Variants in PDE6C observed in about 807,000 individuals in gnomAD.
The protein encoded by PDE6C is cone cGMP-specific 3',5'-cyclic phosphodiesterase subunit alpha'.
In PDE6C, 75 loss-of-function variants were observed where a neutral mutation model predicts 113.1. That is an observed-to-expected ratio of 0.66 (90% CI 0.55 to 0.80). PDE6C has a LOEUF of 0.80. Ranked by LOEUF, PDE6C falls within the 30% of genes least tolerant of loss-of-function variation. The pLI is 0.00. For synonymous variants in PDE6C, 375 were observed against 363.7 expected, an observed-to-expected ratio of 1.03 and a Z score of -0.35; for missense variants, 912 against 1,038.6, an observed-to-expected ratio of 0.88 and a Z score of 1.67.
In PDE6C at chr10:93,650,102, A is replaced by C. The variant is rs550240746; in HGVS notation, c.1935+4055A>C. On this transcript the variant is annotated intron_variant, in intron 15 of 21. Coordinates refer to ENST00000371447, the MANE Select transcript of PDE6C (RefSeq NM_006204.4). ...GAAATGTTTTCAGTTGCTATGGATT[A>C]GTTTACATTTTCTAGATTTTATATA... 1.8e-4 allele frequency among the ~76,000 whole-genome samples: 28 copies of C among 152,336 alleles called. 1 individual carries two copies. In the South Asian group the frequency reaches 5.8e-3, roughly 32 times the overall value.
intron 5 of PDE6C, 38 bp downstream of exon 5, chr10:93,625,687 G>A: frequency 1.4e-6 from 2 of 1,426,602 alleles, no homozygotes; most frequent in Non-Finnish European, 2.0e-6. Context: ...ATCTGTGCAT[G>A]GTGTCAGGTG....
chr10:93,633,829 G>C (rs1231891296), intron 8 of PDE6C, among the ~76,000 whole-genome samples: 2 of 152,190 alleles, frequency 1.3e-5, no homozygotes, highest in African/African-American at 4.8e-5. Flanking sequence ...GGAACAGTGA[G>C]GTAACATAGT....
intron 18 of PDE6C, among the ~76,000 whole-genome samples, chr10:93,659,791 A>G (rs1228544767): frequency 6.6e-6 from 1 of 152,250 alleles, no homozygotes; most frequent in Non-Finnish European, 1.5e-5. Flanking sequence ...GTGTGGGGAC[A>G]TAGCCAAACT....
intron 15 of PDE6C, among the ~76,000 whole-genome samples, chr10:93,652,616 A>G (rs549987381): frequency 9.8e-5 from 15 of 152,346 alleles, no homozygotes; most frequent in Admixed American, 2.6e-4. Context: ...TTGATAATCT[A>G]TCAACTTTAA....
Position 93,635,498 on chromosome 10 carries a change from C to T in PDE6C, c.1271C>T (p.Thr424Ile). Residue 424 changes from threonine (T) to isoleucine (I), a missense_variant and splice_region_variant, in exon 10 of 22, where the codon ACT (threonine) becomes ATT (isoleucine). Physicochemically the swap from Thr to Ile is moderately conservative, Grantham distance 89 (BLOSUM62 -1). Transcript: ENST00000371447. ...AGAATCACCTTTTATCCATTTCAGA[C>T]TCTCACACAATTTCTTGGATGGTCT... Reference protein sequence around the residue: ...FDEHDEYITETLTQFLGWSLL... With the variant: ...FDEHDEYITEILTQFLGWSLL... 1 of 1,610,898 alleles carries T rather than the reference C, an allele frequency of 6.2e-7. No homozygotes were observed. Among genetic ancestry groups the T allele is most frequent in the Non-Finnish European group, 8.5e-7 (1 of 1,177,108 alleles).
At chr10:93,632,274 C>G (rs11187562) in intron 8 of PDE6C, among the ~76,000 whole-genome samples, 62,644 of 152,072 alleles carry the variant, frequency 0.41, 13,062 homozygotes, top group East Asian at 0.56. Flanking sequence ...CTATCTGCAA[C>G]CTTAGTTCCC....
In PDE6C at chr10:93,665,362, G is replaced by A. The variant is rs1185158929; in HGVS notation, c.2521G>A (p.Ala841Thr). Residue 841 changes from alanine (A) to threonine (T), a missense_variant and splice_region_variant, in exon 22 of 22, where the codon GCT (alanine) becomes ACT (threonine). Physicochemically the swap from Ala to Thr is moderately conservative, Grantham distance 58. Coordinates refer to ENST00000371447, the MANE Select transcript of PDE6C (RefSeq NM_006204.4). Reference sequence around the variant, plus strand: ...ATTGCTTTCCTTGATTTTACTAGCTGCTGAAGATTCAGGAGGTGGTGATGA... The same window carrying A: ...ATTGCTTTCCTTGATTTTACTAGCTACTGAAGATTCAGGAGGTGGTGATGA... The part of the protein sequence containing the change: ...KKQEGGAEKA[A>T]EDSGGGDDKK... 2 of 1,607,902 alleles carry A rather than the reference G, an allele frequency of 1.2e-6. No homozygotes were observed. The highest frequency in any genetic ancestry group is 2.2e-5 in the South Asian group (2 of 90,958).
intron 15 of PDE6C, among the ~76,000 whole-genome samples, chr10:93,652,706 T>C (rs2058614718): frequency 6.6e-6 from 1 of 152,212 alleles, no homozygotes; most frequent in Admixed American, 6.5e-5. Flanking sequence ...ATATATTTCT[T>C]TATATATAGC....
rs759002052 is a variant in PDE6C, at chr10:93,612,724, C to A, written c.-2C>A. The A allele has an allele frequency of 1.2e-6, 2 of 1,613,746 alleles. No homozygotes were observed. Among genetic ancestry groups the A allele is most frequent in the South Asian group, 2.2e-5 (2 of 91,058 alleles). ...AACAAACGCAGCAAAGCAAGCCACA[C>A]CATGGGTGAGATCAACCAAGTTGCC... On this transcript the variant is annotated 5_prime_UTR_variant, in exon 1 of 22. Transcript: ENST00000371447.
intron 18 of PDE6C, 102 bp downstream of exon 18, chr10:93,659,269 A>G: frequency 1.2e-6 from 1 of 811,910 alleles, no homozygotes; most frequent in South Asian, 1.5e-5. Flanking sequence ...GAATTCTGAA[A>G]AATTACAAAT....
chr10:93,658,063 G>A (rs1296671345), intron 16 of PDE6C, among the ~76,000 whole-genome samples: 2 of 149,928 alleles, frequency 1.3e-5, no homozygotes, highest in Non-Finnish European at 3.0e-5. Context: ...CCACCTACTC[G>A]GTAGGCTGAA....
chr10:93,618,649 A>G lies in PDE6C; in HGVS notation c.481-1983A>G, dbSNP rs537142295. Among the ~76,000 whole-genome samples the G allele has an allele frequency of 7.9e-5, 12 of 152,260 alleles. No individual in the cohort carries two copies. In the South Asian group the frequency reaches 1.7e-3, roughly 21 times the overall value. On this transcript the variant is annotated intron_variant, in intron 1 of 21. Coordinates refer to ENST00000371447, the MANE Select transcript of PDE6C (RefSeq NM_006204.4). Reference sequence around the variant, plus strand: ...TGATCCTCTGCAGGAGTGATTCCCCATTGGGTTGAGCCTAAGAATTACCTG... The same window carrying G: ...TGATCCTCTGCAGGAGTGATTCCCCGTTGGGTTGAGCCTAAGAATTACCTG...
At chr10:93,615,092 G>A (rs1413965933) in intron 1 of PDE6C, among the ~76,000 whole-genome samples, 1 of 152,152 alleles carries the variant, frequency 6.6e-6, no homozygotes, top group Non-Finnish European at 1.5e-5. Context: ...AGGAGTTCGA[G>A]ACCAGGCTGG....
chr10:93,650,271 G>A (rs532834681), intron 15 of PDE6C, among the ~76,000 whole-genome samples: 1 of 151,992 alleles, frequency 6.6e-6, no homozygotes, highest in Admixed American at 6.6e-5. Flanking sequence ...TTTAGAGATG[G>A]GGTCTTGCTC....
At position 93,612,945 on chromosome 10, in the gene PDE6C, G is replaced by A; in HGVS notation, c.220G>A (p.Gly74Ser). 6.2e-7 allele frequency: 1 copy of A among 1,613,996 alleles called. No homozygotes were observed. The highest frequency in any genetic ancestry group is 1.1e-5 in the South Asian group (1 of 91,072). Residue 74 changes from glycine (G) to serine (S), a missense_variant, in exon 1 of 22, where the codon GGC becomes AGC. Transcript: ENST00000371447. ...ELLWTVQEEG[G>S]TPEQGVHRAL... ...GCTGTGGACCGTGCAGGAGGAGGGG[G>A]GCACCCCAGAGCAGGGGGTTCACAG...
intron 3 of PDE6C, among the ~76,000 whole-genome samples, chr10:93,621,633 G>C (rs2058446998): frequency 6.6e-6 from 1 of 152,146 alleles, no homozygotes; most frequent in African/African-American, 2.4e-5. Flanking sequence ...TCCGTCCAGG[G>C]ACCATCCCTG....
In PDE6C at chr10:93,613,190, C is replaced by T. The variant is rs747294066; in HGVS notation, c.465C>T (p.Val155=). 1.9e-5 allele frequency: 31 copies of T among 1,613,570 alleles called. No homozygotes were observed. The East Asian group carries it at 6.9e-4, about 36-fold the overall frequency. The change falls in exon 1 of 22, where the codon GTC becomes GTT. Residue 155 remains valine, a synonymous_variant. Coordinates refer to ENST00000371447, the MANE Select transcript of PDE6C (RefSeq NM_006204.4). ...WAAHTKKTHN[V]PDVKKNSHFS... ...CTCACACGAAGAAAACTCATAATGT[C>T]CCAGATGTGAAAAAGGTAGGTGGCC...
At position 93,659,101 on chromosome 10, in the gene PDE6C, A is replaced by G; in HGVS notation, c.2145-3A>G. The G allele has an allele frequency of 6.2e-7, 1 of 1,609,630 alleles. No individual in the cohort carries two copies. The highest frequency in any genetic ancestry group is 8.5e-7 in the Non-Finnish European group (1 of 1,177,848). Reference sequence around the variant, plus strand: ...TTTTAAAATTTTTTGTTTTCTTCCTAAGGGCAATGATGATGACGGCATGTG... The same window carrying G: ...TTTTAAAATTTTTTGTTTTCTTCCTGAGGGCAATGATGATGACGGCATGTG... On this transcript the variant is annotated splice_region_variant and splice_polypyrimidine_tract_variant and intron_variant, in intron 17 of 21. Transcript: ENST00000371447.
chr10:93,628,388 C>T (rs527801096), intron 7 of PDE6C, among the ~76,000 whole-genome samples: 10 of 152,218 alleles, frequency 6.6e-5, no homozygotes, highest in Admixed American at 4.6e-4. Context: ...AGTTCGAGAC[C>T]AGCCTGGCCA....
Sources: gnomAD v4.1 joint callset for allele counts (sites outside exome capture counted in the v4.1 genomes callset) on GRCh38, gnomAD v4.1.1 for gene constraint, MANE v1.5 for transcripts, NCBI Gene and HGNC (gene_info 2026-07-23, HGNC 2026-07-21) for gene names.